The following TRAPPC9 variants were observed in gnomAD, a reference collection of about 807,000 sequenced individuals.
TRAPPC9 encodes the protein trafficking protein particle complex subunit 9.
TRAPPC9 carries 83 observed loss-of-function variants against 124.0 expected under a neutral mutation model. That is an observed-to-expected ratio of 0.67 (90% CI 0.56 to 0.80). The LOEUF is 0.80. Among genes scored for constraint, TRAPPC9 ranks in the 30% least tolerant of loss-of-function variants. The probability of loss-of-function intolerance (pLI) is 0.00; values close to 1 mark genes in which losing one functional copy is unlikely to be tolerated. For synonymous variants in TRAPPC9, 638 were observed against 617.5 expected (o/e 1.03, Z -0.49); for missense variants, 1,302 against 1,508.3 (o/e 0.86, Z 2.27).
At chr8:139,877,509 G>A (rs1829398852) in intron 21 of TRAPPC9, among the ~76,000 whole-genome samples, 1 of 152,098 alleles carries the variant, frequency 6.6e-6, no homozygotes, top group Non-Finnish European at 1.5e-5. Context: ...CAGATTCGGG[G>A]TCCAGTTGTG....
chr8:140,242,516 T>C (rs1370560657), intron 16 of TRAPPC9, among the ~76,000 whole-genome samples: 1 of 152,050 alleles, frequency 6.6e-6, no homozygotes, highest in Non-Finnish European at 1.5e-5. Flanking sequence ...CACAGAAAGG[T>C]GAGCCCGTCT....
chr8:140,228,728 G>A (rs1156454590), intron 16 of TRAPPC9, among the ~76,000 whole-genome samples: 1 of 152,202 alleles, frequency 6.6e-6, no homozygotes, highest in Non-Finnish European at 1.5e-5. Flanking sequence ...TCTAAACTTA[G>A]ACTGTGGGGA....
At chr8:139,775,014 G>A (rs1269502205) in intron 21 of TRAPPC9, among the ~76,000 whole-genome samples, 1 of 152,236 alleles carries the variant, frequency 6.6e-6, no homozygotes, top group Non-Finnish European at 1.5e-5. Flanking sequence ...GGCACAGGCT[G>A]CCACTAAGGG....
chr8:139,821,675 T>C (rs1825262995), intron 21 of TRAPPC9, among the ~76,000 whole-genome samples: 1 of 152,226 alleles, frequency 6.6e-6, no homozygotes, highest in Non-Finnish European at 1.5e-5. Context: ...AGATTACTCT[T>C]ACAGCTTAAA....
intron 4 of TRAPPC9, among the ~76,000 whole-genome samples, chr8:140,433,648 T>C (rs1317684012): frequency 1.3e-5 from 2 of 152,210 alleles, no homozygotes; most frequent in East Asian, 1.9e-4. Flanking sequence ...TGTCCCCTTG[T>C]AGTCAATCTA....
At chr8:140,211,221 C>T (rs2063053665) in intron 17 of TRAPPC9, among the ~76,000 whole-genome samples, 1 of 151,984 alleles carries the variant, frequency 6.6e-6, no homozygotes, top group African/African-American at 2.4e-5. Context: ...AGCCAGACCA[C>T]ATCTCTACAA....
At chr8:139,900,177 C>T (rs1048109341) in intron 20 of TRAPPC9, among the ~76,000 whole-genome samples, 7 of 152,236 alleles carry the variant, frequency 4.6e-5, no homozygotes, top group Non-Finnish European at 8.8e-5. Flanking sequence ...GTTGCCGCTT[C>T]CCCTTTTAGA....
intron 21 of TRAPPC9, among the ~76,000 whole-genome samples, chr8:139,820,792 G>A (rs952305680): frequency 1.3e-5 from 2 of 152,168 alleles, no homozygotes; most frequent in African/African-American, 2.4e-5. Context: ...CTAATTCAAG[G>A]AAAAATTGAT....
At chr8:140,378,356 AGC>A (rs1187253465) in intron 7 of TRAPPC9, among the ~76,000 whole-genome samples, 3 of 152,184 alleles carry the variant, frequency 2.0e-5, no homozygotes, top group Non-Finnish European at 4.4e-5. Flanking sequence ...CTGCCAGCGC[AGC>A]TAAGAATATA....
At chr8:140,025,501 A>C (rs1840086204) in intron 17 of TRAPPC9, among the ~76,000 whole-genome samples, 1 of 151,956 alleles carries the variant, frequency 6.6e-6, no homozygotes, top group Non-Finnish European at 1.5e-5. Flanking sequence ...ATAGGAACAA[A>C]TCTTCATGAC....
chr8:140,453,240 G>A (rs1427932820), intron 1 of TRAPPC9, among the ~76,000 whole-genome samples: 2 of 152,156 alleles, frequency 1.3e-5, no homozygotes, highest in Non-Finnish European at 2.9e-5. Context: ...GCCAGAGGCA[G>A]CTGTACCATG....
intron 21 of TRAPPC9, among the ~76,000 whole-genome samples, chr8:139,755,610 G>C (rs1482681256): frequency 4.0e-5 from 5 of 125,346 alleles, no homozygotes; most frequent in African/African-American, 3.4e-5. Context: ...GAGGAGCCAG[G>C]GTTGGGGTAT....
At chr8:140,326,472 C>A (rs1180294490) in intron 9 of TRAPPC9, among the ~76,000 whole-genome samples, 2 of 152,184 alleles carry the variant, frequency 1.3e-5, no homozygotes, top group African/African-American at 4.8e-5. Flanking sequence ...GCTTTGCCTG[C>A]CACCACCTAC....
At chr8:140,012,838 T>C (rs760376776) in intron 18 of TRAPPC9, among the ~76,000 whole-genome samples, 13 of 152,110 alleles carry the variant, frequency 8.5e-5, no homozygotes, top group East Asian at 3.9e-4. Context: ...CTGAAGGGGA[T>C]TGAGGGACTA....
At chr8:139,754,949 C>T (rs1441669346) in intron 21 of TRAPPC9, among the ~76,000 whole-genome samples, 1 of 152,264 alleles carries the variant, frequency 6.6e-6, no homozygotes, top group Non-Finnish European at 1.5e-5. Flanking sequence ...AGGGAAACCC[C>T]AGGAGCTGTG....
intron 17 of TRAPPC9, among the ~76,000 whole-genome samples, chr8:140,109,299 T>C (rs1419963087): frequency 6.6e-6 from 1 of 152,098 alleles, no homozygotes; most frequent in East Asian, 1.9e-4. Context: ...TCCAGGGCAG[T>C]ATGAACAGGG....
At chr8:139,806,618 C>G (rs184216520) in intron 21 of TRAPPC9, among the ~76,000 whole-genome samples, 1 of 152,224 alleles carries the variant, frequency 6.6e-6, no homozygotes, top group African/African-American at 2.4e-5. Context: ...GTAGCCGAGC[C>G]TCCTGAACCC....
At chr8:140,233,877 G>A (rs981822394) in intron 16 of TRAPPC9, among the ~76,000 whole-genome samples, 1 of 150,814 alleles carries the variant, frequency 6.6e-6, no homozygotes, top group African/African-American at 2.4e-5. Context: ...AAATTAAGTC[G>A]AACCCTGATT....
intron 19 of TRAPPC9, among the ~76,000 whole-genome samples, chr8:139,972,338 GAAC>G (rs2131615041): frequency 6.6e-6 from 1 of 152,272 alleles, no homozygotes; most frequent in South Asian, 2.1e-4. Context: ...CTTCTGTACA[GAAC>G]AACAACATTT....
Sources: gnomAD v4.1 joint callset for allele counts (sites outside exome capture counted in the v4.1 genomes callset) on GRCh38, gnomAD v4.1.1 for gene constraint, MANE v1.5 for transcripts, NCBI Gene and HGNC (gene_info 2026-07-23, HGNC 2026-07-21) for gene names.